OR9Q1: variants seen among roughly 807,000 people sequenced by gnomAD.
OR9Q1 encodes the protein olfactory receptor 9Q1.
For synonymous variants in OR9Q1, 153 were observed against 148.6 expected, an observed-to-expected ratio of 1.03 and a Z score of -0.22; for missense variants, 374 against 378.8, an observed-to-expected ratio of 0.99 and a Z score of 0.11.
Position 58,108,197 on chromosome 11 carries a change from C to A in OR9Q1, c.-15+52250C>A, listed in dbSNP as rs540510640. 2.6e-5 allele frequency among the ~76,000 whole-genome samples: 4 copies of A among 152,272 alleles called. No individual in the cohort carries two copies. The South Asian group carries it at 8.3e-4, about 32-fold the overall frequency. On this transcript the variant is annotated intron_variant, in intron 2 of 2. Coordinates refer to ENST00000335397, the MANE Select transcript of OR9Q1 (RefSeq NM_001005212.4). ...TAATTTTTTCTGATTAGAAATTTCA[C>A]TGAGTTCATAGGTTCTTTTCATTCA...
intron 2 of OR9Q1, among the ~76,000 whole-genome samples, chr11:58,140,117 G>A (rs559925991): frequency 0.015 from 2,232 of 151,882 alleles, 48 homozygotes; most frequent in African/African-American, 0.051. Flanking sequence ...TCCTTCACCC[G>A]CTTTTTGATG....
chr11:58,116,252 G>A (rs1385286932), intron 2 of OR9Q1, among the ~76,000 whole-genome samples: 1 of 152,070 alleles, frequency 6.6e-6, no homozygotes, highest in East Asian at 1.9e-4. Context: ...CCCCAGGCCA[G>A]AAGAAAGAAA....
At chr11:58,030,053 G>A (rs529091617) in intron 1 of OR9Q1, among the ~76,000 whole-genome samples, 1 of 152,202 alleles carries the variant, frequency 6.6e-6, no homozygotes, top group African/African-American at 2.4e-5. Flanking sequence ...TGTTGGCCAG[G>A]CTGATCTTGA....
In OR9Q1 at chr11:58,179,012, A is replaced by AAGAGAGAGAGAGAG. The variant is rs71061582; in HGVS notation, c.-14-407_-14-394dup. ...ATAGAGAGAGAGAGAGAAAGAAAGA[A>AAGAGAGAGAGAGAG]AGAGAGAGAGAGAGAGAGAGAGAGA... is the stretch of plus-strand genomic sequence containing the variant. On this transcript the variant is annotated intron_variant, in intron 2 of 2. Coordinates refer to ENST00000335397, the MANE Select transcript of OR9Q1 (RefSeq NM_001005212.4). 8.0e-3 allele frequency among the ~76,000 whole-genome samples: 1,054 copies of AAGAGAGAGAGAGAG among 132,406 alleles called. 9 individuals are homozygous for AAGAGAGAGAGAGAG. The highest frequency in any genetic ancestry group is 0.014 in the East Asian group (64 of 4,484). The allele number at this position is 132,406 out of a possible 152,430, so 86.9% of individuals were successfully genotyped here. A position where few individuals can be genotyped will look rare whatever the true frequency, so the allele number is the denominator to read the frequency against.
intron 2 of OR9Q1, among the ~76,000 whole-genome samples, chr11:58,110,542 T>C (rs942250448): frequency 2.6e-5 from 4 of 152,194 alleles, no homozygotes; most frequent in African/African-American, 7.2e-5. Context: ...ATAGCTCTTA[T>C]GAGTTTCACT....
intron 1 of OR9Q1, among the ~76,000 whole-genome samples, chr11:58,026,183 C>T (rs1314757638): frequency 6.6e-6 from 1 of 152,202 alleles, no homozygotes; most frequent in Non-Finnish European, 1.5e-5. Context: ...ATGCCTGGTA[C>T]CATGCCTAGA....
At chr11:58,068,049 G>T (rs1436084085) in intron 2 of OR9Q1, among the ~76,000 whole-genome samples, 1 of 152,028 alleles carries the variant, frequency 6.6e-6, no homozygotes, top group African/African-American at 2.4e-5. Context: ...ATAAAGCCCA[G>T]GACACCCAGC....
At chr11:58,104,403 C>G (rs1853820750) in intron 2 of OR9Q1, among the ~76,000 whole-genome samples, 1 of 151,534 alleles carries the variant, frequency 6.6e-6, no homozygotes, top group Non-Finnish European at 1.5e-5. Context: ...TCATTCCCTA[C>G]CCCTAAAATT....
At chr11:58,175,175 C>T (rs1245728396) in intron 2 of OR9Q1, among the ~76,000 whole-genome samples, 1 of 149,686 alleles carries the variant, frequency 6.7e-6, no homozygotes, top group African/African-American at 2.5e-5. Flanking sequence ...TTTTTAGCCT[C>T]TCAGTGGATT....
chr11:58,162,870 C>T (rs1854468821), intron 2 of OR9Q1, among the ~76,000 whole-genome samples: 1 of 152,000 alleles, frequency 6.6e-6, no homozygotes, highest in Non-Finnish European at 1.5e-5. Context: ...CTTCTGAGGA[C>T]AAAATGGAAG....
At chr11:58,038,950 T>C (rs1345871973) in intron 1 of OR9Q1, among the ~76,000 whole-genome samples, 1 of 152,126 alleles carries the variant, frequency 6.6e-6, no homozygotes, top group Non-Finnish European at 1.5e-5. Flanking sequence ...TACAGCTTTG[T>C]TCCTCTAAAT....
At chr11:58,039,673 T>C (rs527893991) in intron 1 of OR9Q1, among the ~76,000 whole-genome samples, 2 of 152,332 alleles carry the variant, frequency 1.3e-5, no homozygotes, top group Admixed American at 6.5e-5. Context: ...GGCAAGCAGC[T>C]ACAGGTTATT....
intron 2 of OR9Q1, among the ~76,000 whole-genome samples, chr11:58,141,703 G>T (rs1370407512): frequency 6.6e-6 from 1 of 152,138 alleles, no homozygotes; most frequent in Non-Finnish European, 1.5e-5. Flanking sequence ...TTGACGCTGA[G>T]ACTTGAGGTC....
chr11:58,098,300 G>T (rs906029014), intron 2 of OR9Q1, among the ~76,000 whole-genome samples: 4 of 152,032 alleles, frequency 2.6e-5, no homozygotes, highest in African/African-American at 9.7e-5. Context: ...TGACTATTCA[G>T]ATTCTATTTC....
At chr11:58,120,682 T>G (rs1045418765) in intron 2 of OR9Q1, among the ~76,000 whole-genome samples, 9 of 151,616 alleles carry the variant, frequency 5.9e-5, no homozygotes, top group Non-Finnish European at 1.0e-4. Context: ...TTGTTGCTAT[T>G]ATCATCAATT....
chr11:58,098,742 C>T (rs1014760421), intron 2 of OR9Q1, among the ~76,000 whole-genome samples: 3 of 152,068 alleles, frequency 2.0e-5, no homozygotes, highest in African/African-American at 7.2e-5. Flanking sequence ...GTTCTTATGT[C>T]TTCTTTGATT....
At chr11:58,169,457 C>G (rs906722640) in intron 2 of OR9Q1, among the ~76,000 whole-genome samples, 1 of 151,822 alleles carries the variant, frequency 6.6e-6, no homozygotes, top group African/African-American at 2.4e-5. Flanking sequence ...TTTCATGGTT[C>G]TCTTTCCCCC....
chr11:58,136,343 C>T (rs544522366), intron 2 of OR9Q1, among the ~76,000 whole-genome samples: 1 of 152,238 alleles, frequency 6.6e-6, no homozygotes, highest in South Asian at 2.1e-4. Context: ...CACTTTCTTC[C>T]TGTGCATCCT....
At chr11:58,178,825 C>G (rs1854628671) in intron 2 of OR9Q1, among the ~76,000 whole-genome samples, 2 of 149,602 alleles carry the variant, frequency 1.3e-5, no homozygotes, top group Admixed American at 1.3e-4. Context: ...ATGGCAGGAG[C>G]TAAGATCAGT....
Sources: allele counts gnomAD v4.1 joint callset (sites outside exome capture counted in the v4.1 genomes callset), GRCh38; gene constraint gnomAD v4.1.1; transcripts MANE v1.5; gene names NCBI Gene and HGNC (gene_info 2026-07-23, HGNC 2026-07-21).